Variants in KLHL22 observed in about 807,000 individuals in gnomAD.
The protein encoded by KLHL22 is kelch-like protein 22.
In KLHL22, 18 loss-of-function variants were observed where a neutral mutation model predicts 60.7. The ratio of observed to expected loss-of-function variants is 0.30; its 90% CI spans 0.20 to 0.44. The LOEUF (loss-of-function observed/expected upper bound fraction) is 0.44, where lower values mean the gene tolerates loss of function less well. Among genes scored for constraint, KLHL22 ranks in the 20% least tolerant of loss-of-function variants. KLHL22 has a pLI of 1.00. For missense variants in KLHL22, 596 were observed against 852.3 expected, an observed-to-expected ratio of 0.70 and a Z score of 3.74; for synonymous variants, 355 against 354.5, an observed-to-expected ratio of 1.00 and a Z score of -0.01.
chr22:20,458,051 T>C, intron 4 of KLHL22, 51 bp from the exon 5 acceptor site: 2 of 1,590,998 alleles, frequency 1.3e-6, no homozygotes, highest in Non-Finnish European at 1.7e-6. Flanking sequence ...GGGAGGCTGC[T>C]CCGCAGGCTT....
intron 4 of KLHL22, among the ~76,000 whole-genome samples, chr22:20,459,133 C>T (rs532476697): frequency 6.6e-6 from 1 of 152,324 alleles, no homozygotes; most frequent in Non-Finnish European, 1.5e-5. Context: ...TGCCCAACAG[C>T]CCACAGATAG....
intron 5 of KLHL22, chr22:20,450,913 A>C: frequency 1.9e-6 from 3 of 1,612,618 alleles, no homozygotes; most frequent in East Asian, 2.2e-5. Context: ...TGAACTTCAG[A>C]GTCAGATGCA....
Position 20,465,687 on chromosome 22 carries a change from G to A in KLHL22, c.394-111C>T. 1.4e-6 allele frequency: 1 copy of A among 718,590 alleles called. No homozygotes were observed. Among genetic ancestry groups the A allele is most frequent in the Non-Finnish European group, 2.6e-6 (1 of 392,026 alleles). 44.5% of individuals were successfully genotyped at this position (718,590 alleles called of 1,614,324 possible). Reference sequence around the variant, plus strand: ...TGTTGTGGGCCAGGCAAAGCAGAAGGGAAGTCCTCCTTAATTGTCCCCGAC... The same window carrying A: ...TGTTGTGGGCCAGGCAAAGCAGAAGAGAAGTCCTCCTTAATTGTCCCCGAC... On this transcript the variant is annotated intron_variant, in intron 3 of 6. Coordinates refer to ENST00000328879, the MANE Select transcript of KLHL22 (RefSeq NM_032775.4). The surrounding 1 kb of genome is among the most constrained non-coding windows in gnomAD (Gnocchi z 4.9).
intron 1 of KLHL22, among the ~76,000 whole-genome samples, chr22:20,492,736 T>C (rs1357397558): frequency 1.3e-5 from 2 of 152,060 alleles, no homozygotes; most frequent in African/African-American, 4.8e-5. Flanking sequence ...ATTACAGGCG[T>C]GCACCACCAC....
intron 3 of KLHL22, among the ~76,000 whole-genome samples, chr22:20,470,349 TAAA>T (rs58617703): frequency 1.4e-5 from 2 of 138,996 alleles, no homozygotes; most frequent in African/African-American, 2.7e-5. Flanking sequence ...ACCCTGTCTT[TAAA>T]AAAAAAAAAA....
At chr22:20,471,297 C>T in intron 3 of KLHL22, 53 bp downstream of exon 3, 1 of 1,573,998 alleles carries the variant, frequency 6.4e-7, no homozygotes, top group Non-Finnish European at 8.6e-7. Context: ...ATGGGCATCT[C>T]AGGGAACCCC....
At chr22:20,481,777 T>C (rs2053506191) in intron 2 of KLHL22, among the ~76,000 whole-genome samples, 1 of 152,072 alleles carries the variant, frequency 6.6e-6, no homozygotes, top group Admixed American at 6.6e-5. Flanking sequence ...CTAATATTTG[T>C]ATTTTTTGTA....
chr22:20,480,182 G>T (rs530238889), intron 2 of KLHL22, among the ~76,000 whole-genome samples: 3 of 152,324 alleles, frequency 2.0e-5, no homozygotes, highest in South Asian at 4.1e-4. Flanking sequence ...AATGGTAGCT[G>T]CCAGGGCCTG....
chr22:20,452,335 A>C lies in KLHL22; in HGVS notation c.1305+5473T>G, dbSNP rs548692339. 3.5e-4 allele frequency among the ~76,000 whole-genome samples: 53 copies of C among 152,180 alleles called. 3 individuals are homozygous for C. In the South Asian group the frequency reaches 9.8e-3, roughly 28 times the overall value. On this transcript the variant is annotated intron_variant, in intron 5 of 6. Transcript: ENST00000328879. The stretch of plus-strand genomic sequence containing the variant: ...GGCAACACAGTTCCATTCTAAAGGG[A>C]AACAAAAGGGAGAGCCCCACAAAAC...
chr22:20,479,419 G>C (rs1041516207), intron 2 of KLHL22, among the ~76,000 whole-genome samples: 3 of 152,082 alleles, frequency 2.0e-5, no homozygotes, highest in African/African-American at 7.2e-5. Flanking sequence ...CGGATATGGT[G>C]GTTCACATCT....
intron 1 of KLHL22, chr22:20,492,187 A>T (rs2053702278): frequency 6.6e-6 from 1 of 152,018 alleles, no homozygotes; most frequent in Non-Finnish European, 1.5e-5. Context: ...CAAAGCTACC[A>T]TTTCCATCTT....
chr22:20,452,658 T>A (rs1369470659), intron 5 of KLHL22, among the ~76,000 whole-genome samples: 1 of 152,242 alleles, frequency 6.6e-6, no homozygotes, highest in East Asian at 1.9e-4. Flanking sequence ...AAACTAGAAG[T>A]ACCTGTGATT....
chr22:20,484,846 C>T (rs1439325209), intron 2 of KLHL22, among the ~76,000 whole-genome samples: 1 of 151,894 alleles, frequency 6.6e-6, no homozygotes, highest in Non-Finnish European at 1.5e-5. Context: ...AAGCTATCCT[C>T]CCTCCTCAGC....
intron 2 of KLHL22, among the ~76,000 whole-genome samples, chr22:20,471,865 CAATG>C (rs1173170651): frequency 6.6e-6 from 1 of 152,174 alleles, no homozygotes; most frequent in East Asian, 1.9e-4. Flanking sequence ...CATTTCAAAG[CAATG>C]AATTAATTAA....
intron 4 of KLHL22, among the ~76,000 whole-genome samples, chr22:20,462,647 G>A (rs1230780412): frequency 6.6e-6 from 1 of 151,664 alleles, no homozygotes; most frequent in Non-Finnish European, 1.5e-5. Flanking sequence ...GACATGATCT[G>A]CACATAGCCT....
chr22:20,472,215 C>T (rs1028236253), intron 2 of KLHL22, among the ~76,000 whole-genome samples: 2 of 152,188 alleles, frequency 1.3e-5, no homozygotes, highest in Non-Finnish European at 2.9e-5. Context: ...CCACTGCACT[C>T]CAGCCTGGGC....
At chr22:20,446,734 T>C in intron 5 of KLHL22, 58 bp from the exon 6 acceptor site, 1 of 1,417,276 alleles carries the variant, frequency 7.1e-7, no homozygotes, top group South Asian at 1.1e-5. Context: ...GGTGGCTGGG[T>C]ACTCTGTCAA....
At chr22:20,467,744 C>T (rs895778315) in intron 3 of KLHL22, among the ~76,000 whole-genome samples, 6 of 152,192 alleles carry the variant, frequency 3.9e-5, no homozygotes, top group East Asian at 1.9e-4. Context: ...CTGCAAGCTC[C>T]GCCTCCCGGG....
chr22:20,442,517 G>C, intron 6 of KLHL22, 79 bp from the exon 7 acceptor site: 7 of 1,474,676 alleles, frequency 4.7e-6, no homozygotes, highest in Non-Finnish European at 6.3e-6. Context: ...CACTGACCAA[G>C]GTGGCAACAG....
Sources: gnomAD v4.1 joint callset for allele counts (sites outside exome capture counted in the v4.1 genomes callset) on GRCh38, gnomAD v4.1.1 for gene constraint, Gnocchi (gnomAD v3.1) non-coding constraint, MANE v1.5 for transcripts, NCBI Gene and HGNC (gene_info 2026-07-23, HGNC 2026-07-21) for gene names.